GPR137C: variants seen among roughly 807,000 people sequenced by gnomAD.
GPR137C encodes G protein-coupled receptor 137C.
GPR137C carries 27 observed loss-of-function variants against 43.4 expected under a neutral mutation model. That is an observed-to-expected ratio of 0.62 (90% CI 0.46 to 0.86). The LOEUF (loss-of-function observed/expected upper bound fraction) is 0.86, where lower values mean the gene tolerates loss of function less well. Among genes scored for constraint, GPR137C ranks in the 40% least tolerant of loss-of-function variants. The probability of loss-of-function intolerance (pLI) is 0.00; values close to 1 mark genes in which losing one functional copy is unlikely to be tolerated. For synonymous variants in GPR137C, 285 were observed against 226.9 expected (o/e 1.26, Z -2.30); for missense variants, 522 against 534.6 (o/e 0.98, Z 0.23).
intron 3 of GPR137C, among the ~76,000 whole-genome samples, chr14:52,626,671 T>C (rs2039230926): frequency 6.6e-6 from 1 of 152,152 alleles, no homozygotes; most frequent in African/African-American, 2.4e-5. Context: ...CAATGGGAAT[T>C]AAGAAGTAAA....
Position 52,553,551 on chromosome 14 carries a change from A to G in GPR137C, c.404A>G (p.Gln135Arg), listed in dbSNP as rs1053237685. Residue 135 changes from glutamine to arginine, a missense_variant, in exon 1 of 7, where the codon CAG (glutamine) becomes CGG (arginine). By Grantham distance (43) the Gln-to-Arg change is conservative. This residue lies in a region of GPR137C where 437 missense variants were observed against 425.7 expected (regional missense o/e 1.03). Coordinates refer to ENST00000321662, the MANE Select transcript of GPR137C (RefSeq NM_001099652.2). ...CTCTACTGCTTCCCCTCCTGTCTCCAGTTCTCCACGCTCTGTCTCCTCAAC... is the reference window on the plus strand; with the variant it reads ...CTCTACTGCTTCCCCTCCTGTCTCCGGTTCTCCACGCTCTGTCTCCTCAAC... ...WLLYCFPSCL[Q>R]FSTLCLLNLY... is the part of the protein sequence containing the mutation. 6.2e-7 allele frequency: 1 copy of G among 1,607,000 alleles called. No homozygotes were observed. Among genetic ancestry groups the G allele is most frequent in the African/African-American group, 1.3e-5 (1 of 74,826 alleles).
chr14:52,567,178 C>G (rs1463735448), intron 1 of GPR137C, among the ~76,000 whole-genome samples: 1 of 152,124 alleles, frequency 6.6e-6, no homozygotes. Context: ...ACTGGAGTCC[C>G]ATTCCTTGGA....
intron 3 of GPR137C, among the ~76,000 whole-genome samples, chr14:52,604,820 TC>T (rs1434398381): frequency 1.3e-5 from 2 of 152,120 alleles, no homozygotes; most frequent in Non-Finnish European, 2.9e-5. Context: ...GATTGTGACT[TC>T]CCCCAGTGTA....
chr14:52,576,230 TTC>T (rs2038549769), intron 1 of GPR137C, among the ~76,000 whole-genome samples: 1 of 152,228 alleles, frequency 6.6e-6, no homozygotes, highest in Non-Finnish European at 1.5e-5. Flanking sequence ...GTATTTGACT[TTC>T]TGTTTCTGAG....
chr14:52,624,214 G>GT (rs570719214), intron 3 of GPR137C, among the ~76,000 whole-genome samples: 146 of 139,544 alleles, frequency 1.0e-3, no homozygotes, highest in East Asian at 4.4e-4. Flanking sequence ...TAACCCATGG[G>GT]TAAAAAAAAA....
At chr14:52,556,399 T>C (rs1242752646) in intron 1 of GPR137C, among the ~76,000 whole-genome samples, 2 of 151,428 alleles carry the variant, frequency 1.3e-5, no homozygotes, top group Non-Finnish European at 2.9e-5. Flanking sequence ...TTCTTTTTTT[T>C]TTTTTCTTGG....
At position 52,566,114 on chromosome 14, in the gene GPR137C, A is replaced by G. The variant is rs139449159; in HGVS notation, c.444+12523A>G. On this transcript the variant is annotated intron_variant, in intron 1 of 6. Coordinates refer to ENST00000321662, the MANE Select transcript of GPR137C (RefSeq NM_001099652.2). ...TGCCAGTTAAACAGAGTTATACATA[A>G]CACGTTAAAACTGATCAAAATTTAT... Among the ~76,000 whole-genome samples the G allele has an allele frequency of 5.9e-5, 9 of 152,334 alleles. No homozygotes were observed. In the East Asian group the frequency reaches 1.3e-3, roughly 23 times the overall value.
At position 52,586,491 on chromosome 14, in the gene GPR137C, T is replaced by C. The variant is rs2038715420; in HGVS notation, c.445-11781T>C. On this transcript the variant is annotated intron_variant, in intron 1 of 6. Coordinates refer to ENST00000321662, the MANE Select transcript of GPR137C (RefSeq NM_001099652.2). ...AATCATTTCTGACGTTTTGCAGAAT[T>C]TTAACAACGGCTCTACTTTCTTGCT... Among the ~76,000 whole-genome samples the C allele has an allele frequency of 2.6e-5, 4 of 152,230 alleles. No homozygotes were observed. In the South Asian group the frequency reaches 8.3e-4, roughly 32 times the overall value.
intron 1 of GPR137C, among the ~76,000 whole-genome samples, chr14:52,561,405 C>A (rs1185795976): frequency 6.6e-6 from 1 of 152,132 alleles, no homozygotes; most frequent in Non-Finnish European, 1.5e-5. Flanking sequence ...CCCAGCAGCT[C>A]AAGACCAGCC....
intron 1 of GPR137C, among the ~76,000 whole-genome samples, chr14:52,560,435 C>A (rs933006700): frequency 6.6e-6 from 1 of 152,040 alleles, no homozygotes; most frequent in Non-Finnish European, 1.5e-5. Flanking sequence ...CGTGGACATA[C>A]GAGGGACTTA....
In GPR137C at chr14:52,618,035, G is replaced by A. The variant is rs80153848; in HGVS notation, c.718-14125G>A. ...GAGTTCCTGAACACCTGAAAATGTT[G>A]GCAAAATTTGACTGGAGAGGGGTCT... is the stretch of plus-strand genomic sequence containing the variant. On this transcript the variant is annotated intron_variant, in intron 3 of 6. Transcript: ENST00000321662. Among the ~76,000 whole-genome samples the A allele has an allele frequency of 4.2e-3, 646 of 152,212 alleles. 10 individuals are homozygous for A. The highest frequency in any genetic ancestry group is 0.035 in the Admixed American group (533 of 15,284).
chr14:52,587,546 A>G (rs113542968), intron 1 of GPR137C, among the ~76,000 whole-genome samples: 13,687 of 152,226 alleles, frequency 0.09, 687 homozygotes, highest in South Asian at 0.15. Context: ...TGAGGCTGGC[A>G]GATCATTTGA....
In GPR137C at chr14:52,620,238, A is replaced by G. The variant is rs555387189; in HGVS notation, c.718-11922A>G. On this transcript the variant is annotated intron_variant, in intron 3 of 6. Coordinates refer to ENST00000321662, the MANE Select transcript of GPR137C (RefSeq NM_001099652.2). ...CTACTGCAGATGTAAAGTGAGTAGGAAATCTCAGGAAGAAGATACCAGATA... is the reference window on the plus strand; with the variant it reads ...CTACTGCAGATGTAAAGTGAGTAGGGAATCTCAGGAAGAAGATACCAGATA... 2.0e-5 allele frequency among the ~76,000 whole-genome samples: 3 copies of G among 152,250 alleles called. No homozygotes were observed. The East Asian group carries it at 5.8e-4, about 29-fold the overall frequency.
chr14:52,597,021 C>T (rs2038865137), intron 1 of GPR137C: 1 of 455,270 alleles, frequency 2.2e-6, no homozygotes, highest in Non-Finnish European at 4.4e-6. Flanking sequence ...ACATATATCT[C>T]TGTCATTAAG....
intron 1 of GPR137C, among the ~76,000 whole-genome samples, chr14:52,564,234 C>T (rs988814348): frequency 5.6e-5 from 8 of 142,960 alleles, no homozygotes; most frequent in Admixed American, 5.1e-4. Flanking sequence ...GAGATCGCAT[C>T]ACTGCACTCC....
Position 52,635,145 on chromosome 14 carries a change from G to GT in GPR137C, c.*35dup. On this transcript the variant is annotated 3_prime_UTR_variant, in exon 7 of 7. Transcript: ENST00000321662. ...ATCACCAAGTCATGATTCTTGAGTT[G>GT]TTTTTCATAAATGTGTATATTCAAT... 1.3e-6 allele frequency: 2 copies of GT among 1,506,268 alleles called. No individual in the cohort carries two copies. The highest frequency in any genetic ancestry group is 2.6e-5 in the South Asian group (2 of 75,646). The allele number at this position is 1,506,268 out of a possible 1,614,324, so 93.3% of individuals were successfully genotyped here.
At chr14:52,625,573 G>T (rs1464175615) in intron 3 of GPR137C, among the ~76,000 whole-genome samples, 89 of 43,084 alleles carry the variant, frequency 2.1e-3, no homozygotes, top group Middle Eastern at 0.023. Context: ...TTTTTTTTTT[G>T]AGACGGAGTC....
At chr14:52,581,259 T>C (rs1594789020) in intron 1 of GPR137C, among the ~76,000 whole-genome samples, 2 of 145,194 alleles carry the variant, frequency 1.4e-5, no homozygotes, top group South Asian at 2.2e-4. Flanking sequence ...TCTGGCCGGG[T>C]GCAGTGGCTC....
chr14:52,593,171 G>A (rs1347448142), intron 1 of GPR137C, among the ~76,000 whole-genome samples: 1 of 152,186 alleles, frequency 6.6e-6, no homozygotes, highest in Admixed American at 6.5e-5. Context: ...TTGCATCCCA[G>A]GGATGAAGCC....
Sources: gnomAD v4.1 joint callset for allele counts (sites outside exome capture counted in the v4.1 genomes callset) on GRCh38, gnomAD v4.1.1 for gene constraint, gnomAD v4.1.1 regional missense constraint, MANE v1.5 for transcripts, NCBI Gene and HGNC (gene_info 2026-07-23, HGNC 2026-07-21) for gene names.